CTSW: variants seen among roughly 807,000 people sequenced by gnomAD.
CTSW encodes the protein lymphopain.
In CTSW, 42 loss-of-function variants were observed where a neutral mutation model predicts 43.8. The observed-to-expected ratio is 0.96, with a 90% confidence interval of 0.75 to 1.24. The LOEUF (loss-of-function observed/expected upper bound fraction) is 1.24. Ranked by LOEUF, CTSW falls within the 50% of genes most tolerant of loss-of-function variation. The pLI, the probability that CTSW is intolerant of heterozygous loss-of-function variation, is 0.00. For synonymous variants in CTSW, 191 were observed against 184.8 expected (o/e 1.03, Z -0.27); for missense variants, 475 against 479.9 (o/e 0.99, Z 0.09).
rs374328043 is a variant in CTSW, at chr11:65,882,908, C to A, written c.745+4C>A. 12 of 1,613,570 alleles carry A rather than the reference C, an allele frequency of 7.4e-6. No homozygotes were observed. The East Asian group carries it at 2.7e-4, about 36-fold the overall frequency. On this transcript the variant is annotated splice_donor_region_variant and intron_variant, in intron 7 of 9. Transcript: ENST00000307886. ...ATGCTGCAGAACAACGAGCACAGTG[C>A]GGGCAGGGCAGGGACACGGGCGGAT...
At position 65,883,571 on chromosome 11, in the gene CTSW, C is replaced by G; in HGVS notation, c.1084C>G (p.Arg362Gly). 6.2e-7 allele frequency: 1 copy of G among 1,614,082 alleles called. No homozygotes were observed. Among genetic ancestry groups the G allele is most frequent in the Non-Finnish European group, 8.5e-7 (1 of 1,179,970 alleles). ...CGITKFPLTA[R>G]VQKPDMKPRV... ...CATCACCAAGTTCCCGCTCACTGCC[C>G]GTGTGCAGAAACCGGATATGAAGCC... The change falls in exon 10 of 10, where the codon CGT (arginine) becomes GGT (glycine). Residue 362 changes from arginine to glycine, a missense_variant. Coordinates refer to ENST00000307886, the MANE Select transcript of CTSW (RefSeq NM_001335.4).
At chr11:65,882,930 G>A (rs200545067) in intron 7 of CTSW, 26 bp downstream of exon 7, 36 of 1,613,164 alleles carry the variant, frequency 2.2e-5, no homozygotes, top group East Asian at 1.1e-4. Context: ...GGACACGGGC[G>A]GATGGCAGGG....
chr11:65,882,279 A>G lies in CTSW; in HGVS notation c.391A>G (p.Ser131Gly). The change falls in exon 4 of 10, where the codon AGC (serine) becomes GGC (glycine). Residue 131 changes from serine to glycine, a missense_variant. Ser to Gly is a moderately conservative substitution (Grantham distance 56, BLOSUM62 0). Coordinates refer to ENST00000307886, the MANE Select transcript of CTSW (RefSeq NM_001335.4). ...AGAGCCAGAGGAGTCAGTACCTTTC[A>G]GCTGTGACTGGCGGAAGGTGGCCAG... is the stretch of plus-strand genomic sequence containing the variant. ...SEEPEESVPFSCDWRKVASAI... is the reference protein window; with the variant it reads ...SEEPEESVPFGCDWRKVASAI... 6.2e-7 allele frequency: 1 copy of G among 1,614,188 alleles called. No homozygotes were observed. The highest frequency in any genetic ancestry group is 8.5e-7 in the Non-Finnish European group (1 of 1,180,028).
intron 2 of CTSW, chr11:65,880,544 C>T (rs1860093479): frequency 3.2e-6 from 1 of 315,514 alleles, no homozygotes; most frequent in African/African-American, 2.2e-5. Context: ...TGGTCTTGAA[C>T]TCCTGACATC....
At position 65,882,900 on chromosome 11, in the gene CTSW, G is replaced by A; in HGVS notation, c.741G>A (p.Glu247=). ...IQDFIMLQNN[E]HRIAQYLATY... ...ACTTCATCATGCTGCAGAACAACGA[G>A]CACAGTGCGGGCAGGGCAGGGACAC... Residue 247 remains glutamate (E), a synonymous_variant, in exon 7 of 10, where the codon GAG becomes GAA. Transcript: ENST00000307886. 2 of 1,613,968 alleles carry A rather than the reference G, an allele frequency of 1.2e-6. No homozygotes were observed. Among genetic ancestry groups the A allele is most frequent in the Non-Finnish European group, 8.5e-7 (1 of 1,180,026 alleles).
At position 65,880,232 on chromosome 11, in the gene CTSW, G is replaced by C. The variant is rs1240156888; in HGVS notation, c.118G>C (p.Glu40Gln). Residue 40 changes from glutamate to glutamine, a missense_variant, in exon 2 of 10, where the codon GAG becomes CAG. Physicochemically the swap from Glu to Gln is conservative, Grantham distance 29. Coordinates refer to ENST00000307886, the MANE Select transcript of CTSW (RefSeq NM_001335.4). ...DLGPQPLELK[E>Q]AFKLFQIQFN... ...AGGTCCCCAGCCGCTAGAGCTGAAA[G>C]AGGCCTTCAAGTTGTTCCAGATCCA... 1.4e-5 allele frequency: 22 copies of C among 1,614,044 alleles called. No individual in the cohort carries two copies. The highest frequency in any genetic ancestry group is 1.8e-5 in the Non-Finnish European group (21 of 1,180,044).
intron 2 of CTSW, among the ~76,000 whole-genome samples, chr11:65,880,987 ATC>A (rs965877565): frequency 1.1e-4 from 16 of 151,964 alleles, no homozygotes; most frequent in African/African-American, 3.1e-4. Flanking sequence ...CGCTGTGCTG[ATC>A]TCTCTAGGGG....
chr11:65,882,681 TCAA>T lies in CTSW; in HGVS notation c.617_619del (p.Asn206del). 1 of 1,613,608 alleles carries T rather than the reference TCAA, an allele frequency of 6.2e-7. No homozygotes were observed. ...GTCTGGGACGCGTTCATAACTGTCC[TCAA>T]CAACAGTGAGTGCACTGCCCCGCCA... On this transcript the variant is annotated inframe_deletion, in exon 6 of 10. Transcript: ENST00000307886.
Position 65,882,204 on chromosome 11 carries a change from C to G in CTSW, c.316C>G (p.Arg106Gly). Residue 106 changes from arginine (R) to glycine (G), a missense_variant, in exon 4 of 10, where the codon CGG (arginine) becomes GGG (glycine). By Grantham distance (125) the Arg-to-Gly change is moderately radical (BLOSUM62 -2). Transcript: ENST00000307886. Reference sequence around the variant, plus strand: ...GGAGTTTGGCCAGCTCTATGGCTATCGGAGGGCAGCTGGAGGGGTCCCCAG... The same window carrying G: ...GGAGTTTGGCCAGCTCTATGGCTATGGGAGGGCAGCTGGAGGGGTCCCCAG... ...EEEFGQLYGY[R>G]RAAGGVPSMG... 1.2e-6 allele frequency: 2 copies of G among 1,614,100 alleles called. No individual in the cohort carries two copies.
At chr11:65,881,980 C>G (rs1407969359) in intron 3 of CTSW, among the ~76,000 whole-genome samples, 195 bp from the exon 4 acceptor site, 1 of 152,172 alleles carries the variant, frequency 6.6e-6, no homozygotes, top group Non-Finnish European at 1.5e-5. Flanking sequence ...GATGGGGTCT[C>G]GGACTCCTGA....
Position 65,882,275 on chromosome 11 carries a change from T to G in CTSW, c.387T>G (p.Pro129=). The G allele has an allele frequency of 6.2e-7, 1 of 1,614,160 alleles. No homozygotes were observed. Among genetic ancestry groups the G allele is most frequent in the Non-Finnish European group, 8.5e-7 (1 of 1,180,030 alleles). Reference sequence around the variant, plus strand: ...CTGAAGAGCCAGAGGAGTCAGTACCTTTCAGCTGTGACTGGCGGAAGGTGG... The same window carrying G: ...CTGAAGAGCCAGAGGAGTCAGTACCGTTCAGCTGTGACTGGCGGAAGGTGG... ...IRSEEPEESV[P]FSCDWRKVAS... Residue 129 remains proline (P), a synonymous_variant, in exon 4 of 10, where the codon CCT becomes CCG. Coordinates refer to ENST00000307886, the MANE Select transcript of CTSW (RefSeq NM_001335.4).
Position 65,882,640 on chromosome 11 carries a change from C to A in CTSW, c.570C>A (p.Gly190=). Reference sequence around the variant, plus strand: ...TGGACTGTGGCCGCTGTGGGGATGGCTGCCACGGTGGCTTCGTCTGGGACG... The same window carrying A: ...TGGACTGTGGCCGCTGTGGGGATGGATGCCACGGTGGCTTCGTCTGGGACG... The part of the protein sequence containing the change: ...ELLDCGRCGD[G]CHGGFVWDAF... The change falls in exon 6 of 10, where the codon GGC becomes GGA. Residue 190 remains glycine (G), a synonymous_variant. Transcript: ENST00000307886. 2 of 1,614,202 alleles carry A rather than the reference C, an allele frequency of 1.2e-6. No homozygotes were observed. Among genetic ancestry groups the A allele is most frequent in the Non-Finnish European group, 1.7e-6 (2 of 1,180,042 alleles).
At position 65,883,435 on chromosome 11, in the gene CTSW, T is replaced by C; in HGVS notation, c.1020+11T>C. On this transcript the variant is annotated intron_variant, in intron 9 of 9. Transcript: ENST00000307886. The stretch of plus-strand genomic sequence containing the variant: ...CAATGGGGAGAGAAGGTGAGTGTGA[T>C]CTATTGGGGGAGGGGGCAAGGCAGA... The C allele has an allele frequency of 6.2e-7, 1 of 1,613,892 alleles. No homozygotes were observed. The highest frequency in any genetic ancestry group is 8.5e-7 in the Non-Finnish European group (1 of 1,179,922).
intron 2 of CTSW, chr11:65,880,507 G>C: frequency 2.5e-6 from 1 of 407,648 alleles, no homozygotes; most frequent in African/African-American, 2.1e-5. Context: ...TTTTAGTAGA[G>C]ATGGGGTTTG....
chr11:65,882,468 C>T lies in CTSW; in HGVS notation c.480C>T (p.Gly160=). Residue 160 remains glycine (G), a synonymous_variant, in exon 5 of 10, where the codon GGC becomes GGT. Coordinates refer to ENST00000307886, the MANE Select transcript of CTSW (RefSeq NM_001335.4). ...GCTGCTGGGCCATGGCAGCGGCAGG[C>T]AACATAGAGACCCTGTGGCGCATCA... ...CNCCWAMAAA[G]NIETLWRISF... is the part of the protein sequence containing the mutation. 6.2e-7 allele frequency: 1 copy of T among 1,614,192 alleles called. No homozygotes were observed. Among genetic ancestry groups the T allele is most frequent in the South Asian group, 1.1e-5 (1 of 91,080 alleles).
rs766070620 is a variant in CTSW, at chr11:65,882,720, C to T, written c.619+31C>T. On this transcript the variant is annotated intron_variant, in intron 6 of 9. Transcript: ENST00000307886. Reference sequence around the variant, plus strand: ...TGCACTGCCCCGCCACTCTGGACATCTGCAGGGGGACAGGGTGGGCAGGAG... The same window carrying T: ...TGCACTGCCCCGCCACTCTGGACATTTGCAGGGGGACAGGGTGGGCAGGAG... 5 of 1,614,114 alleles carry T rather than the reference C, an allele frequency of 3.1e-6. No individual in the cohort carries two copies. The Admixed American group carries it at 5.0e-5, about 16-fold the overall frequency.
rs1354583806 is a variant in CTSW at position 65,882,417 on chromosome 11, T to C, written c.442-13T>C. Reference sequence around the variant, plus strand: ...CCGAACACCTAGCCCCGCCCCACCCTCTCGCCCTCCAGAAAAACTGCAACT... The same window carrying C: ...CCGAACACCTAGCCCCGCCCCACCCCCTCGCCCTCCAGAAAAACTGCAACT... On this transcript the variant is annotated splice_polypyrimidine_tract_variant and intron_variant, in intron 4 of 9. Coordinates refer to ENST00000307886, the MANE Select transcript of CTSW (RefSeq NM_001335.4). 2 of 1,613,930 alleles carry C rather than the reference T, an allele frequency of 1.2e-6. No individual in the cohort carries two copies. Among genetic ancestry groups the C allele is most frequent in the Non-Finnish European group, 1.7e-6 (2 of 1,179,988 alleles).
chr11:65,880,534 T>A, intron 2 of CTSW: 1 of 336,790 alleles, frequency 3.0e-6, no homozygotes, highest in Non-Finnish European at 5.7e-6. Flanking sequence ...TTGGCCAGGC[T>A]GGTCTTGAAC....
Position 65,881,459 on chromosome 11 carries a change from G to T in CTSW, c.225G>T (p.Arg75Ser). Residue 75 changes from arginine (R) to serine (S), a missense_variant, in exon 3 of 10, where the codon AGG (arginine) becomes AGT (serine). Transcript: ENST00000307886. ...IFAHNLAQAQ[R>S]LQEEDLGTAE... ...CCCACAACCTGGCCCAGGCTCAGAG[G>T]CTGCAGGAGGAGGACTTGGGCACAG... The T allele has an allele frequency of 6.2e-7, 1 of 1,611,604 alleles. No individual in the cohort carries two copies. Among genetic ancestry groups the T allele is most frequent in the Non-Finnish European group, 8.5e-7 (1 of 1,178,690 alleles).
Sources: gnomAD v4.1 joint callset for allele counts (sites outside exome capture counted in the v4.1 genomes callset) on GRCh38, gnomAD v4.1.1 for gene constraint, MANE v1.5 for transcripts, NCBI Gene and HGNC (gene_info 2026-07-23, HGNC 2026-07-21) for gene names.